Variants in ARMCX4 observed in about 807,000 individuals in gnomAD.
ARMCX4 encodes armadillo repeat containing X-linked 4, also known as armadillo repeat-containing X-linked protein 4.
ARMCX4 carries 3 observed loss-of-function variants against 34.7 expected under a neutral mutation model. The ratio of observed to expected loss-of-function variants is 0.09; its 90% CI spans 0.04 to 0.22. ARMCX4 has a LOEUF of 0.22. Ranked by LOEUF, ARMCX4 falls within the 10% of genes least tolerant of loss-of-function variation. The probability of loss-of-function intolerance (pLI) is 1.00; values close to 1 mark genes in which losing one functional copy is unlikely to be tolerated. For missense variants in ARMCX4, 1,448 were observed against 1,720.8 expected (o/e 0.84, Z 2.81); for synonymous variants, 513 against 632.8 (o/e 0.81, Z 2.84).
intron 4 of ARMCX4, among the ~76,000 whole-genome samples, chrX:101,469,655 C>G (rs1302629825): frequency 2.7e-5 from 3 of 111,382 alleles, no homozygotes; most frequent in African/African-American, 9.8e-5. Context: ...CCCATGTTAC[C>G]ACCACACAAA....
upstream of ARMCX4, among the ~76,000 whole-genome samples, chrX:101,483,772 C>T (rs1375688803): frequency 9.1e-6 from 1 of 110,405 alleles, no homozygotes; most frequent in Admixed American, 9.7e-5. Flanking sequence ...AAAGTAAGTT[C>T]GTCACTTTCA....
chrX:101,502,757 A>G (rs1556014022), intron 7 of ARMCX4, among the ~76,000 whole-genome samples: 1 of 108,474 alleles, frequency 9.2e-6, no homozygotes, highest in Non-Finnish European at 1.9e-5. Flanking sequence ...CTTCTTTAGG[A>G]CAATTTGCTT....
chrX:101,459,592 C>A (rs1211859210), intron 4 of ARMCX4, among the ~76,000 whole-genome samples: 5 of 112,192 alleles, frequency 4.5e-5, no homozygotes, highest in Non-Finnish European at 7.5e-5. Flanking sequence ...GTCAGACATT[C>A]TTTGTTGATT....
upstream of ARMCX4, among the ~76,000 whole-genome samples, chrX:101,481,483 T>C (rs782635529): frequency 1.8e-4 from 20 of 112,133 alleles, no homozygotes; most frequent in Non-Finnish European, 3.6e-4. Flanking sequence ...TTTAGATTTA[T>C]GGTATTTTCA....
chrX:101,426,186 G>A (rs900881983), intron 2 of ARMCX4, among the ~76,000 whole-genome samples: 3 of 111,200 alleles, frequency 2.7e-5, no homozygotes, highest in Non-Finnish European at 5.6e-5. Context: ...GGTCTGTAGG[G>A]AGTGAGTGGT....
At chrX:101,533,753 A>G (rs1396835462), downstream of ARMCX4, among the ~76,000 whole-genome samples, 1 of 112,230 alleles carries the variant, frequency 8.9e-6, no homozygotes, top group Admixed American at 9.5e-5. Context: ...TAAGGGATAA[A>G]CACTAGAAGC....
chrX:101,508,063 C>T (rs1038709264), intron 8 of ARMCX4, among the ~76,000 whole-genome samples: 2 of 112,308 alleles, frequency 1.8e-5, no homozygotes, highest in South Asian at 3.7e-4. Context: ...TACAGTAACA[C>T]GCTGTTCAGG....
At chrX:101,470,605 T>C (rs1353811190) in intron 4 of ARMCX4, among the ~76,000 whole-genome samples, 1 of 112,158 alleles carries the variant, frequency 8.9e-6, no homozygotes, top group Non-Finnish European at 1.9e-5. Flanking sequence ...AGGTGTGAGC[T>C]GCCGTGCTGG....
intron 4 of ARMCX4, among the ~76,000 whole-genome samples, chrX:101,460,152 G>T (rs1932543029): frequency 8.9e-6 from 1 of 112,859 alleles, no homozygotes; most frequent in African/African-American, 3.2e-5. Context: ...GCACTGAGCT[G>T]AGAGGATTGG....
intron 11 of ARMCX4, among the ~76,000 whole-genome samples, chrX:101,518,852 T>C (rs1271455070): frequency 9.0e-6 from 1 of 111,208 alleles, no homozygotes; most frequent in East Asian, 2.8e-4. Flanking sequence ...AAAATAACTA[T>C]CTTATTTTAT....
At chrX:101,465,737 G>A (rs898996092) in intron 4 of ARMCX4, among the ~76,000 whole-genome samples, 9 of 111,730 alleles carry the variant, frequency 8.1e-5, no homozygotes, top group African/African-American at 2.9e-4. Context: ...CTCTAAAACT[G>A]CAGAATACAG....
intron 2 of ARMCX4, among the ~76,000 whole-genome samples, chrX:101,431,183 C>T (rs1929973108): frequency 9.0e-6 from 1 of 111,715 alleles, no homozygotes; most frequent in South Asian, 3.7e-4. Context: ...TCCTCCCAAG[C>T]TGTAAGAACA....
Position 101,489,406 on chromosome X carries a change from G to C in ARMCX4, c.817G>C (p.Gly273Arg), listed in dbSNP as rs185584084. The change falls in exon 6 of 6, where the codon GGA (glycine) becomes CGA (arginine). Residue 273 changes from glycine to arginine, a missense_variant. This residue lies in a region of ARMCX4 where 1,343 missense variants were observed against 1,540.7 expected (regional missense o/e 0.87). Coordinates refer to ENST00000423738, the MANE Select transcript of ARMCX4 (RefSeq NM_001256155.3). ...NPNGMSREVAGVDMKSCAQSQ... is the reference protein window; with the variant it reads ...NPNGMSREVARVDMKSCAQSQ... ...CAATGGCATGTCCAGGGAGGTGGCTGGAGTGGACATGAAGTCCTGTGCACA... is the reference window on the plus strand; with the variant it reads ...CAATGGCATGTCCAGGGAGGTGGCTCGAGTGGACATGAAGTCCTGTGCACA... The C allele has an allele frequency of 4.4e-5, 51 of 1,153,743 alleles. No individual in the cohort carries two copies. In the East Asian group the frequency reaches 1.2e-3, roughly 27 times the overall value.
intron 4 of ARMCX4, among the ~76,000 whole-genome samples, chrX:101,463,955 G>A (rs782462510): frequency 9.1e-6 from 1 of 110,256 alleles, no homozygotes; most frequent in South Asian, 3.9e-4. Context: ...ATAAGGTTTC[G>A]CCATGTTGCC....
chrX:101,448,928 T>G (rs868945705), downstream of ARMCX4, among the ~76,000 whole-genome samples: 537 of 101,916 alleles, frequency 5.3e-3, 4 homozygotes, highest in Non-Finnish European at 7.5e-3. Flanking sequence ...TTTTTTTTTT[T>G]TTTTACAGAG....
rs373647210 is a variant in ARMCX4, at chrX:101,432,923, C to T, written n.165-11129C>T. Among the ~76,000 whole-genome samples, 222 of 62,293 alleles carry T rather than the reference C, an allele frequency of 3.6e-3. 6 individuals carry two copies. The highest frequency in any genetic ancestry group is 5.4e-3 in the Non-Finnish European group (167 of 30,789). The allele number at this position is 62,293 out of a possible 115,157, so 54.1% of individuals were successfully genotyped here. On this transcript the variant is annotated intron_variant and non_coding_transcript_variant, in intron 2 of 3. Coordinates refer to the ARMCX4 transcript ENST00000430461. ...GTGTATATACACACACGTATACATA[C>T]GTATATATATACGTGTATATATACA...
At chrX:101,465,574 G>A (rs1556001842) in intron 4 of ARMCX4, among the ~76,000 whole-genome samples, 1 of 111,940 alleles carries the variant, frequency 8.9e-6, no homozygotes, top group African/African-American at 3.2e-5. Context: ...TTGGTTACAT[G>A]CGGCAGTAGT....
intron 4 of ARMCX4, among the ~76,000 whole-genome samples, chrX:101,480,115 G>C (rs1933373717): frequency 1.1e-5 from 1 of 87,933 alleles, no homozygotes; most frequent in African/African-American, 4.2e-5. Context: ...ATGGTGCTAG[G>C]ATTTGGAGAC....
At chrX:101,525,004 C>T (rs1350229647) in intron 11 of ARMCX4, among the ~76,000 whole-genome samples, 1 of 112,034 alleles carries the variant, frequency 8.9e-6, no homozygotes, top group East Asian at 2.8e-4. Context: ...TCAAGTGGGT[C>T]CCTGACTCCC....
Sources: allele counts gnomAD v4.1 joint callset (sites outside exome capture counted in the v4.1 genomes callset), GRCh38; gene constraint gnomAD v4.1.1; regional missense constraint gnomAD v4.1.1; transcripts MANE v1.5; gene names NCBI Gene and HGNC (gene_info 2026-07-23, HGNC 2026-07-21).